Variants in BPTF observed in about 807,000 individuals in gnomAD.
BPTF encodes nucleosome-remodeling factor subunit BPTF.
BPTF carries 18 observed loss-of-function variants against 292.5 expected under a neutral mutation model. The observed-to-expected ratio is 0.06, with a 90% CI of 0.04 to 0.09. BPTF has a LOEUF of 0.09. Ranked by LOEUF, BPTF falls within the 10% of genes least tolerant of loss-of-function variation. The pLI, the probability that BPTF is intolerant of heterozygous loss-of-function variation, is 1.00. For synonymous variants in BPTF, 1,225 were observed against 1,251.9 expected, an observed-to-expected ratio of 0.98 and a Z score of 0.45; for missense variants, 2,726 against 3,498.7, an observed-to-expected ratio of 0.78 and a Z score of 5.57.
chr17:67,885,082 T>A (rs1309085809), intron 4 of BPTF, among the ~76,000 whole-genome samples: 1 of 152,232 alleles, frequency 6.6e-6, no homozygotes, highest in African/African-American at 2.4e-5. Context: ...CCCAAAATTA[T>A]ACATTAAAGA....
At chr17:67,843,859 G>T (rs1307112627) in intron 1 of BPTF, among the ~76,000 whole-genome samples, 1 of 138,910 alleles carries the variant, frequency 7.2e-6, no homozygotes, top group East Asian at 2.1e-4. Flanking sequence ...TCCGCCTCCT[G>T]GGTTCAAGTG....
chr17:67,952,150 G>C (rs1428384116), intron 23 of BPTF, among the ~76,000 whole-genome samples: 1 of 150,964 alleles, frequency 6.6e-6, no homozygotes, highest in African/African-American at 2.4e-5. Context: ...CTCTGCTAAA[G>C]CTTCAAATAT....
In BPTF at chr17:67,928,401, C is replaced by T. The variant is rs151096634; in HGVS notation, c.5798C>T (p.Thr1933Ile). The change falls in exon 16 of 28, where the codon ACT (threonine) becomes ATT (isoleucine). Residue 1933 changes from threonine (T) to isoleucine (I), a missense_variant. This residue lies in a region of BPTF where 198 missense variants were observed against 277.1 expected (regional missense o/e 0.71). Transcript: ENST00000306378. ...QKPTVIATST[T>I]SPTSSTTSTI... is the part of the protein sequence containing the mutation. ...CCGACAGTGATTGCAACTTCCACTA[C>T]TTCCCCAACAAGCAGTACAACCAGC... 9 of 1,613,814 alleles carry T rather than the reference C, an allele frequency of 5.6e-6. No homozygotes were observed. The African/African-American group carries it at 1.1e-4, about 19-fold the overall frequency.
At chr17:67,875,600 C>G in intron 4 of BPTF, 1 of 1,585,190 alleles carries the variant, frequency 6.3e-7, no homozygotes, top group Non-Finnish European at 8.6e-7. Context: ...GTCAGCAAAT[C>G]TTGGCGACAA....
intron 4 of BPTF, among the ~76,000 whole-genome samples, chr17:67,881,858 GT>G (rs71354089): frequency 0.094 from 2,807 of 29,982 alleles, 190 homozygotes; most frequent in African/African-American, 0.24. Flanking sequence ...TTGGGTTTTT[GT>G]TTTTTTTTTT....
At chr17:67,849,790 A>T (rs2058274322) in intron 1 of BPTF, among the ~76,000 whole-genome samples, 1 of 152,088 alleles carries the variant, frequency 6.6e-6, no homozygotes, top group African/African-American at 2.4e-5. Context: ...ATACAAAAAA[A>T]ATTAGCCGGG....
intron 3 of BPTF, 60 bp downstream of exon 3, chr17:67,866,747 A>G: frequency 7.4e-7 from 1 of 1,351,388 alleles, no homozygotes. Context: ...GTTGGTATGA[A>G]ATCACTGCAA....
At chr17:67,826,424 C>T in intron 1 of BPTF, 87 bp downstream of exon 1, 1 of 1,363,824 alleles carries the variant, frequency 7.3e-7, no homozygotes, top group Non-Finnish European at 9.7e-7. Flanking sequence ...GCATCCTGCT[C>T]CGATCTCCCC....
chr17:67,958,281 A>C (rs1482221732), intron 23 of BPTF, among the ~76,000 whole-genome samples: 3 of 151,922 alleles, frequency 2.0e-5, no homozygotes, highest in Non-Finnish European at 4.4e-5. Context: ...ACAGTGAGCC[A>C]AGACTGTGCC....
At chr17:67,971,188 C>T (rs1403238149) in intron 26 of BPTF, among the ~76,000 whole-genome samples, 4 of 152,198 alleles carry the variant, frequency 2.6e-5, no homozygotes, top group Non-Finnish European at 5.9e-5. Context: ...AAGCAATTCT[C>T]CTGCCTCAGC....
chr17:67,891,642 C>A, intron 4 of BPTF: 1 of 387,684 alleles, frequency 2.6e-6, no homozygotes, highest in East Asian at 3.8e-5. Flanking sequence ...TAATAGATGA[C>A]TCACAGTAAA....
chr17:67,911,509 A>G lies in BPTF; in HGVS notation c.3625A>G (p.Lys1209Glu), dbSNP rs1439851827. 6.2e-7 allele frequency: 1 copy of G among 1,613,546 alleles called. No homozygotes were observed. Among genetic ancestry groups the G allele is most frequent in the Admixed American group, 1.7e-5 (1 of 59,806 alleles). Residue 1209 changes from lysine (K) to glutamate (E), a missense_variant, in exon 11 of 28, where the codon AAA becomes GAA. Lys to Glu is a moderately conservative substitution (Grantham distance 56). Coordinates refer to ENST00000306378, the MANE Select transcript of BPTF (RefSeq NM_182641.4). Reference protein sequence around the residue: ...RGQEPSKSKTKGNDFFIDDSK... With the variant: ...RGQEPSKSKTEGNDFFIDDSK... ...CCAGGAACCCAGTAAGAGTAAAACA[A>G]AAGGAAATGATTTTTTCATCGATGA...
chr17:67,846,884 A>G lies in BPTF; in HGVS notation c.614-7056A>G, dbSNP rs182921271. Among the ~76,000 whole-genome samples, 161 of 152,272 alleles carry G rather than the reference A, an allele frequency of 1.1e-3. 1 individual carries two copies. The highest frequency in any genetic ancestry group is 3.6e-3 in the African/African-American group (148 of 41,566). On this transcript the variant is annotated intron_variant, in intron 1 of 27. Coordinates refer to ENST00000306378, the MANE Select transcript of BPTF (RefSeq NM_182641.4). The stretch of plus-strand genomic sequence containing the variant: ...CCCAGCTAATTTTTGTTATTTTAGT[A>G]GAGACAGGGTTTCGCCATGTTGGCC...
Position 67,911,009 on chromosome 17 carries a change from G to C in BPTF, c.3125G>C (p.Ser1042Thr). 2 of 1,613,968 alleles carry C rather than the reference G, an allele frequency of 1.2e-6. No homozygotes were observed. Among genetic ancestry groups the C allele is most frequent in the Non-Finnish European group, 1.7e-6 (2 of 1,179,912 alleles). The stretch of plus-strand genomic sequence containing the variant: ...TCTCAAGTAGATGTGGTCAATGTTA[G>C]TGAGGGTTTTCATCTAAGGACTAGT... ...ESSQVDVVNV[S>T]EGFHLRTSYK... The change falls in exon 11 of 28, where the codon AGT becomes ACT. Residue 1042 changes from serine (S) to threonine (T), a missense_variant. Physicochemically the swap from Ser to Thr is moderately conservative, Grantham distance 58 (BLOSUM62 1). Transcript: ENST00000306378.
At chr17:67,902,682 C>T (rs557066518) in intron 7 of BPTF, among the ~76,000 whole-genome samples, 41 of 152,020 alleles carry the variant, frequency 2.7e-4, no homozygotes, top group Non-Finnish European at 4.3e-4. Context: ...ACAAAGCCGT[C>T]GTAAAAGTTG....
chr17:67,917,097 T>TTGTCTGTTGATAAGTAACTAATATG (rs1251691762), intron 11 of BPTF, among the ~76,000 whole-genome samples: 3 of 151,172 alleles, frequency 2.0e-5, no homozygotes, highest in Non-Finnish European at 4.4e-5. Flanking sequence ...ACAGAGAGAT[T>TTGTCTGTTGATAAGTAACTAATATG]TGTCTGTTGA....
intron 23 of BPTF, among the ~76,000 whole-genome samples, chr17:67,958,615 G>C (rs1389830731): frequency 1.3e-5 from 2 of 151,932 alleles, no homozygotes; most frequent in Admixed American, 6.6e-5. Context: ...TGTAATCCTA[G>C]CTAGTTGGGA....
intron 14 of BPTF, among the ~76,000 whole-genome samples, chr17:67,924,258 G>A (rs2063685442): frequency 6.6e-6 from 1 of 152,042 alleles, no homozygotes; most frequent in African/African-American, 2.4e-5. Context: ...CCCGGCCTGA[G>A]CCACTGTGCC....
At chr17:67,918,691 G>T (rs1237060623) in intron 11 of BPTF, 23 bp from the exon 12 acceptor site, 1 of 1,600,972 alleles carries the variant, frequency 6.2e-7, no homozygotes, top group Non-Finnish European at 8.6e-7. Context: ...GATATATATG[G>T]ATTTCTTTGG....
Sources: gnomAD v4.1 joint callset for allele counts (sites outside exome capture counted in the v4.1 genomes callset) on GRCh38, gnomAD v4.1.1 for gene constraint, gnomAD v4.1.1 regional missense constraint, MANE v1.5 for transcripts, NCBI Gene and HGNC (gene_info 2026-07-23, HGNC 2026-07-21) for gene names.